PICK1: variants seen among roughly 807,000 people sequenced by gnomAD.
PICK1 encodes protein interacting with PRKCA 1, also known as PRKCA-binding protein.
Under a neutral mutation model 48.9 loss-of-function variants are expected in PICK1, and 23 were observed. The observed-to-expected ratio is 0.47, with a 90% CI of 0.34 to 0.67. The LOEUF is 0.67. PICK1 is among the 30% of genes least tolerant of loss of function. PICK1 has a pLI of 0.01. For synonymous variants in PICK1, 217 were observed against 228.2 expected, an observed-to-expected ratio of 0.95 and a Z score of 0.44; for missense variants, 423 against 557.1, an observed-to-expected ratio of 0.76 and a Z score of 2.42.
At chr22:38,072,920 G>C in intron 9 of PICK1, 80 bp from the exon 10 acceptor site, 1 of 953,076 alleles carries the variant, frequency 1.0e-6, no homozygotes, top group Non-Finnish European at 1.7e-6. Context: ...CACCAACAAG[G>C]GTGACGCATC....
intron 2 of PICK1, among the ~76,000 whole-genome samples, chr22:38,058,597 A>G (rs1028993086): frequency 5.3e-5 from 8 of 152,174 alleles, no homozygotes; most frequent in Non-Finnish European, 7.3e-5. Context: ...AGTGCCTGCT[A>G]TGGACTGGGT....
intron 5 of PICK1, 136 bp from the exon 6 acceptor site, chr22:38,068,897 C>T (rs939702971): frequency 2.7e-6 from 2 of 737,638 alleles, no homozygotes; most frequent in Admixed American, 2.0e-5. Context: ...CCCCACTGGA[C>T]ATTCCCCACT....
In PICK1 at chr22:38,071,690, G is replaced by A. The variant is rs1202954419; in HGVS notation, c.502G>A (p.Glu168Lys). ...RTAELYKGMT[E>K]HTKNLLRAFY... ...CTCGGTCTCTCCCACAGGGATGACG[G>A]AACACACCAAGAACCTCCTACGGGC... Residue 168 changes from glutamate to lysine, a missense_variant, in exon 8 of 13, where the codon GAA becomes AAA. By Grantham distance (56) the Glu-to-Lys change is moderately conservative. Transcript: ENST00000356976. 1 of 1,613,480 alleles carries A rather than the reference G, an allele frequency of 6.2e-7. No individual in the cohort carries two copies. The highest frequency in any genetic ancestry group is 1.1e-5 in the South Asian group (1 of 91,078).
In PICK1 at chr22:38,057,571, G is replaced by C; in HGVS notation, c.-74G>C. ...TCTGAGCCTATCGCCCTGGCCTGGA[G>C]CCCCCCTTTGTACCTAGTAAGAATC... On this transcript the variant is annotated 5_prime_UTR_variant, in exon 1 of 13. Transcript: ENST00000356976. 3 of 577,860 alleles carry C rather than the reference G, an allele frequency of 5.2e-6. No homozygotes were observed. In the South Asian group the frequency reaches 6.1e-5, roughly 12 times the overall value. The allele number at this position is 577,860 out of a possible 1,614,324, so 35.8% of individuals were successfully genotyped here. A position where few individuals can be genotyped will look rare whatever the true frequency, so the allele number is the denominator to read the frequency against.
chr22:38,061,710 G>A (rs557058910), intron 3 of PICK1, among the ~76,000 whole-genome samples: 14 of 152,152 alleles, frequency 9.2e-5, no homozygotes, highest in Admixed American at 3.9e-4. Flanking sequence ...TTGTAGAGAC[G>A]GTGTTTTGCC....
intron 2 of PICK1, chr22:38,058,058 G>A (rs2085312933): frequency 4.9e-6 from 3 of 618,148 alleles, no homozygotes; most frequent in Non-Finnish European, 8.8e-6. Context: ...TGCCATAAGG[G>A]CACTATTAGC....
Position 38,064,989 on chromosome 22 carries a change from T to TA in PICK1, c.154-12dup. 1.2e-6 allele frequency: 2 copies of TA among 1,613,780 alleles called. No homozygotes were observed. The highest frequency in any genetic ancestry group is 1.7e-6 in the Non-Finnish European group (2 of 1,179,890). On this transcript the variant is annotated splice_polypyrimidine_tract_variant and intron_variant, in intron 3 of 12. Transcript: ENST00000356976. ...CCCTTTCTTCCCCCACCACTCTCCT[T>TA]ATGCACCCACAGGTATTTGACAACA...
chr22:38,059,264 C>T lies in PICK1; in HGVS notation c.72C>T (p.Thr24=), dbSNP rs765338207. The change falls in exon 3 of 13, where the codon ACC becomes ACT. Residue 24 remains threonine, a synonymous_variant. Coordinates refer to ENST00000356976, the MANE Select transcript of PICK1 (RefSeq NM_012407.4). ...TCCCGACTGTGCCTGGGAAGGTGAC[C>T]CTGCAGAAGGATGCTCAGAACCTGA... ...LGIPTVPGKV[T]LQKDAQNLIG... is the part of the protein sequence containing the mutation. 1 of 1,585,330 alleles carries T rather than the reference C, an allele frequency of 6.3e-7. No homozygotes were observed. The highest frequency in any genetic ancestry group is 1.2e-5 in the South Asian group (1 of 86,580).
At chr22:38,069,234 T>C in intron 6 of PICK1, 112 bp downstream of exon 6, 1 of 767,700 alleles carries the variant, frequency 1.3e-6, no homozygotes, top group Non-Finnish European at 2.2e-6. Flanking sequence ...GGTCTGACCC[T>C]GGCCTCTGCC....
At chr22:38,064,719 T>C (rs547627802) in intron 3 of PICK1, among the ~76,000 whole-genome samples, 4 of 152,178 alleles carry the variant, frequency 2.6e-5, no homozygotes, top group Admixed American at 2.6e-4. Context: ...GAGATGGCGC[T>C]ATTGCACTCC....
chr22:38,071,624 G>A, intron 7 of PICK1, 58 bp from the exon 8 acceptor site: 1 of 1,497,042 alleles, frequency 6.7e-7, no homozygotes, highest in East Asian at 2.3e-5. Context: ...GCCTTGCCCT[G>A]GGCCAGTGTG....
Position 38,057,686 on chromosome 22 carries a change from G to A in PICK1, c.-57-67G>A. On this transcript the variant is annotated intron_variant, in intron 1 of 12. Coordinates refer to ENST00000356976, the MANE Select transcript of PICK1 (RefSeq NM_012407.4). Reference sequence around the variant, plus strand: ...TGTCCCGTATGAGGTGGTGGAGGGAGGGGTGGCGTTGGCATTTAGGCACTT... The same window carrying A: ...TGTCCCGTATGAGGTGGTGGAGGGAAGGGTGGCGTTGGCATTTAGGCACTT... The A allele has an allele frequency of 3.9e-6, 3 of 778,590 alleles. No individual in the cohort carries two copies. In the East Asian group the frequency reaches 7.7e-5, roughly 20 times the overall value. 48.2% of individuals were successfully genotyped at this position (778,590 alleles called of 1,614,324 possible).
chr22:38,073,161 G>A lies in PICK1; in HGVS notation c.783+69G>A. The A allele has an allele frequency of 1.9e-6, 2 of 1,067,396 alleles. No individual in the cohort carries two copies. Among genetic ancestry groups the A allele is most frequent in the Non-Finnish European group, 2.9e-6 (2 of 682,470 alleles). The allele number at this position is 1,067,396 out of a possible 1,614,324, so 66.1% of individuals were successfully genotyped here. A position where few individuals can be genotyped will look rare whatever the true frequency, so the allele number is the denominator to read the frequency against. ...CTGGAGATCTGCCCCACTTCAGTCA[G>A]CCATGCTGCGGCCAGCGAGGCCAGC... On this transcript the variant is annotated intron_variant, in intron 10 of 12. Transcript: ENST00000356976. This position sits in a 1 kb window ranked among gnomAD's most constrained non-coding sequence, Gnocchi z 5.7.
chr22:38,070,854 G>GC lies in PICK1; in HGVS notation c.457dup (p.Leu153ProfsTer9). 6.2e-7 allele frequency: 1 copy of GC among 1,614,018 alleles called. No individual in the cohort carries two copies. The highest frequency in any genetic ancestry group is 8.5e-7 in the Non-Finnish European group (1 of 1,179,986). On this transcript the variant is annotated frameshift_variant, in exon 7 of 13. Coordinates refer to ENST00000356976, the MANE Select transcript of PICK1 (RefSeq NM_012407.4). LOFTEE classifies it high-confidence loss of function. ...TCCCGACAGATGGGCTTGTCAAGAGGCTAGAGGAGCTGGAGCGGACCGCTG... is the reference window on the plus strand; with the variant it reads ...TCCCGACAGATGGGCTTGTCAAGAGGCCTAGAGGAGCTGGAGCGGACCGCTG...
intron 4 of PICK1, 82 bp downstream of exon 4, chr22:38,065,212 C>A: frequency 1.4e-6 from 2 of 1,443,940 alleles, no homozygotes; most frequent in Non-Finnish European, 1.9e-6. Context: ...TCCCAGCAGG[C>A]CTGGAAGGGG....
chr22:38,072,941 A>T (rs1166696038), intron 9 of PICK1, 59 bp from the exon 10 acceptor site: 1 of 1,140,510 alleles, frequency 8.8e-7, no homozygotes, highest in Admixed American at 1.7e-5. Flanking sequence ...AGTGCCATTC[A>T]TTGTCACCCT....
rs1387296537 is a variant in PICK1 at position 38,074,984 on chromosome 22, C to A, written c.1100C>A (p.Thr367Asn). ...CCCATCGAGGTAGACCTGGCGCACA[C>A]CACATTGGCCTATGGCCTCAACCAG... ...VFPIEVDLAH[T>N]TLAYGLNQEE... Residue 367 changes from threonine (T) to asparagine (N), a missense_variant, in exon 13 of 13, where the codon ACC (threonine) becomes AAC (asparagine). Coordinates refer to ENST00000356976, the MANE Select transcript of PICK1 (RefSeq NM_012407.4). This position sits in a 1 kb window ranked among gnomAD's most constrained non-coding sequence, Gnocchi z 4.5. 3 of 1,613,556 alleles carry A rather than the reference C, an allele frequency of 1.9e-6. No individual in the cohort carries two copies. Among genetic ancestry groups the A allele is most frequent in the Non-Finnish European group, 2.5e-6 (3 of 1,179,996 alleles).
chr22:38,072,657 G>T, intron 9 of PICK1, 47 bp downstream of exon 9: 1 of 1,607,554 alleles, frequency 6.2e-7, no homozygotes. Flanking sequence ...AGGGTGGGGA[G>T]GGGAGAGTGT....
At position 38,074,047 on chromosome 22, in the gene PICK1, AT is replaced by A. The variant is rs1343522552; in HGVS notation, c.834+228del. On this transcript the variant is annotated intron_variant, in intron 11 of 12. Coordinates refer to ENST00000356976, the MANE Select transcript of PICK1 (RefSeq NM_012407.4). The surrounding 1 kb of genome is among the most constrained non-coding windows in gnomAD (Gnocchi z 4.5). ...TGGGGGACTCTTGGAGGGAAATCGGATTTTCTTCACTCCTATGAGGCGCTTT... is the reference window on the plus strand; with the variant it reads ...TGGGGGACTCTTGGAGGGAAATCGGATTTCTTCACTCCTATGAGGCGCTTT... 4 of 633,414 alleles carry A rather than the reference AT, an allele frequency of 6.3e-6. No homozygotes were observed. The highest frequency in any genetic ancestry group is 1.1e-5 in the Non-Finnish European group (4 of 364,404). 39.2% of individuals were successfully genotyped at this position (633,414 alleles called of 1,614,324 possible). A position where few individuals can be genotyped will look rare whatever the true frequency, so the allele number is the denominator to read the frequency against.
Sources: gnomAD v4.1 joint callset for allele counts (sites outside exome capture counted in the v4.1 genomes callset) on GRCh38, gnomAD v4.1.1 for gene constraint, Gnocchi (gnomAD v3.1) non-coding constraint, MANE v1.5 for transcripts, NCBI Gene and HGNC (gene_info 2026-07-23, HGNC 2026-07-21) for gene names.